Variants in UBE2R2 observed in about 807,000 individuals in gnomAD.
The protein encoded by UBE2R2 is ubiquitin conjugating enzyme E2 R2.
A neutral mutation model predicts 27.8 loss-of-function variants in UBE2R2; 1 was observed. The observed-to-expected ratio is 0.04, with a 90% CI of 0.01 to 0.17. The LOEUF is 0.17. Ranked by LOEUF, UBE2R2 falls within the 10% of genes least tolerant of loss-of-function variation. UBE2R2 has a pLI of 1.00. For missense variants in UBE2R2, 100 were observed against 291.0 expected, an observed-to-expected ratio of 0.34 and a Z score of 4.78; for synonymous variants, 106 against 113.3, an observed-to-expected ratio of 0.94 and a Z score of 0.41.
chr9:33,871,793 C>T (rs1224444238), intron 1 of UBE2R2, among the ~76,000 whole-genome samples: 1 of 152,168 alleles, frequency 6.6e-6, no homozygotes, highest in Non-Finnish European at 1.5e-5. Flanking sequence ...TCACCGCAAC[C>T]TCCACCTCCT....
At chr9:33,867,124 G>A (rs1821381614) in intron 1 of UBE2R2, among the ~76,000 whole-genome samples, 1 of 152,076 alleles carries the variant, frequency 6.6e-6, no homozygotes, top group African/African-American at 2.4e-5. Context: ...TGCTGACCTT[G>A]TGATCTGCCC....
chr9:33,817,987 C>G (rs1825849468), intron 1 of UBE2R2, 53 bp downstream of exon 1: 4 of 1,574,972 alleles, frequency 2.5e-6, no homozygotes, highest in Non-Finnish European at 3.4e-6. Context: ...CCTCCGGCTC[C>G]CCGCCGCTTT....
chr9:33,819,582 T>C (rs1014739238), intron 1 of UBE2R2, among the ~76,000 whole-genome samples: 1 of 152,168 alleles, frequency 6.6e-6, no homozygotes, highest in African/African-American at 2.4e-5. Context: ...TGTTGTCAAA[T>C]ATAAATTTTT....
chr9:33,821,549 T>C (rs1825981743), intron 1 of UBE2R2, among the ~76,000 whole-genome samples: 1 of 152,144 alleles, frequency 6.6e-6, no homozygotes, highest in South Asian at 2.1e-4. Context: ...GCATTATTTA[T>C]CTAAAGCATT....
chr9:33,827,061 C>G (rs1820330274), intron 1 of UBE2R2, among the ~76,000 whole-genome samples: 2 of 152,180 alleles, frequency 1.3e-5, no homozygotes, highest in Non-Finnish European at 2.9e-5. Flanking sequence ...GAGATCGCGC[C>G]ACTGCGCTCC....
At chr9:33,884,236 T>TCTCTCTCTCTCTCTCTCTCTCTCTCTC (rs1587467991) in intron 1 of UBE2R2, among the ~76,000 whole-genome samples, 1 of 10,910 alleles carries the variant, frequency 9.2e-5, no homozygotes, top group Non-Finnish European at 2.2e-4. Flanking sequence ...CTCTCTCTCT[T>TCTCTCTCTCTCTCTCTCTCTCTCTCTC]CCCCCTCTCT....
At position 33,859,799 on chromosome 9, in the gene UBE2R2, T is replaced by TGTGTGAGAGA. The variant is rs766779268; in HGVS notation, c.178-27081_178-27080insTGTGAGAGAG. On this transcript the variant is annotated intron_variant, in intron 1 of 4. Transcript: ENST00000263228. Reference sequence around the variant, plus strand: ...GTGTGTGTGTGTGTGTGTGTGTGTGTGAGAGAGAGAGAGAGAGAGAGAGAC... The same window carrying TGTGTGAGAGA: ...GTGTGTGTGTGTGTGTGTGTGTGTGTGTGTGAGAGAGAGAGAGAGAGAGAGAGAGAGAGAC... Among the ~76,000 whole-genome samples the TGTGTGAGAGA allele has an allele frequency of 1.4e-4, 12 of 86,584 alleles. No individual in the cohort carries two copies. In the South Asian group the frequency reaches 2.3e-3, roughly 17 times the overall value. The allele number at this position is 86,584 out of a possible 152,430, so 56.8% of individuals were successfully genotyped here.
upstream of UBE2R2, among the ~76,000 whole-genome samples, chr9:33,816,714 A>T (rs773274396): frequency 6.6e-6 from 1 of 152,196 alleles, no homozygotes; most frequent in South Asian, 2.1e-4. Context: ...GGGACCGCAG[A>T]CTGGGTGTCA....
intron 1 of UBE2R2, among the ~76,000 whole-genome samples, chr9:33,822,096 A>ATATT (rs71506137): frequency 1.2e-4 from 17 of 145,102 alleles, no homozygotes; most frequent in African/African-American, 4.3e-4. Context: ...ATATATATAT[A>ATATT]TTTTTTTTTT....
At chr9:33,859,760 T>TTGTGTGTGTGTGTG (rs57089790) in intron 1 of UBE2R2, among the ~76,000 whole-genome samples, 1,602 of 130,540 alleles carry the variant, frequency 0.012, 20 homozygotes, top group Admixed American at 0.02. Flanking sequence ...TCTAAGCCTT[T>TTGTGTGTGTGTGTG]TGTGTGTGTG....
rs117100729 is a variant in UBE2R2, at chr9:33,821,149, C to T, written c.177+3215C>T. On this transcript the variant is annotated intron_variant, in intron 1 of 4. Coordinates refer to ENST00000263228, the MANE Select transcript of UBE2R2 (RefSeq NM_017811.4). ...TAATGAAGACTTTTAACAAGTTCAC[C>T]CCCTTTCTTTTGAAAGGAACTTTTT... Among the ~76,000 whole-genome samples the T allele has an allele frequency of 2.0e-5, 3 of 152,184 alleles. No individual in the cohort carries two copies. The East Asian group carries it at 5.8e-4, about 29-fold the overall frequency.
upstream of UBE2R2, among the ~76,000 whole-genome samples, chr9:33,815,591 A>C (rs1235603880): frequency 3.3e-5 from 5 of 152,164 alleles, no homozygotes; most frequent in Admixed American, 2.0e-4. Context: ...CTAAAAATAC[A>C]AAAATTAGCT....
At chr9:33,851,605 A>C (rs1820968343) in intron 1 of UBE2R2, among the ~76,000 whole-genome samples, 2 of 152,126 alleles carry the variant, frequency 1.3e-5, no homozygotes. Context: ...TAGGTGGTAC[A>C]TGATTTTGAT....
At position 33,856,966 on chromosome 9, in the gene UBE2R2, G is replaced by T. The variant is rs1304914768; in HGVS notation, c.178-29915G>T. ...GGCTGGAGTGCAGTGGCTCAATCTC[G>T]GCTCACTGCAACCTCCACCTCCTGG... is the stretch of plus-strand genomic sequence containing the variant. On this transcript the variant is annotated intron_variant, in intron 1 of 4. Coordinates refer to ENST00000263228, the MANE Select transcript of UBE2R2 (RefSeq NM_017811.4). Among the ~76,000 whole-genome samples, 12 of 137,832 alleles carry T rather than the reference G, an allele frequency of 8.7e-5. No individual in the cohort carries two copies. The South Asian group carries it at 2.8e-3, about 32-fold the overall frequency. 90.4% of individuals were successfully genotyped at this position (137,832 alleles called of 152,430 possible). A position where few individuals can be genotyped will look rare whatever the true frequency, so the allele number is the denominator to read the frequency against.
intron 1 of UBE2R2, among the ~76,000 whole-genome samples, chr9:33,864,361 A>G (rs1201181429): frequency 6.6e-6 from 1 of 152,156 alleles, no homozygotes; most frequent in African/African-American, 2.4e-5. Flanking sequence ...GATTAGCCAT[A>G]ACAAACCATT....
At chr9:33,913,222 GT>G (rs1822534667) in intron 4 of UBE2R2, among the ~76,000 whole-genome samples, 2 of 152,246 alleles carry the variant, frequency 1.3e-5, no homozygotes, top group South Asian at 4.1e-4. Context: ...GCCTCCCAAA[GT>G]GCTGGAATTA....
At chr9:33,872,838 G>A (rs1216918918) in intron 1 of UBE2R2, among the ~76,000 whole-genome samples, 4 of 151,564 alleles carry the variant, frequency 2.6e-5, no homozygotes, top group South Asian at 4.2e-4. Flanking sequence ...AGCAGATAAC[G>A]CTTTAGTACA....
chr9:33,823,840 T>C (rs1447993203), intron 1 of UBE2R2, among the ~76,000 whole-genome samples: 2 of 152,234 alleles, frequency 1.3e-5, no homozygotes, highest in Non-Finnish European at 2.9e-5. Flanking sequence ...GTAAGGTATT[T>C]GGATAGGCAA....
intron 2 of UBE2R2, among the ~76,000 whole-genome samples, chr9:33,892,316 C>T (rs1822005922): frequency 6.6e-6 from 1 of 152,170 alleles, no homozygotes; most frequent in Non-Finnish European, 1.5e-5. Context: ...GTTCATATAA[C>T]ACTTTCTTTA....
Sources: allele counts gnomAD v4.1 joint callset (sites outside exome capture counted in the v4.1 genomes callset), GRCh38; gene constraint gnomAD v4.1.1; transcripts MANE v1.5; gene names NCBI Gene and HGNC (gene_info 2026-07-23, HGNC 2026-07-21).